SOX5: variants seen among roughly 807,000 people sequenced by gnomAD.
SOX5 encodes the protein transcription factor SOX-5.
SOX5 carries 9 observed loss-of-function variants against 92.0 expected under a neutral mutation model. The observed-to-expected ratio is 0.10, with a 90% CI of 0.06 to 0.17. SOX5 has a LOEUF of 0.17. SOX5 is among the 10% of genes least tolerant of loss of function. SOX5 has a pLI of 1.00. For synonymous variants in SOX5, 344 were observed against 336.3 expected, an observed-to-expected ratio of 1.02 and a Z score of -0.25; for missense variants, 642 against 944.5, an observed-to-expected ratio of 0.68 and a Z score of 4.20.
At chr12:24,053,888 T>G (rs1310503945) in intron 4 of SOX5, among the ~76,000 whole-genome samples, 1 of 152,238 alleles carries the variant, frequency 6.6e-6, no homozygotes, top group Non-Finnish European at 1.5e-5. Flanking sequence ...GTATGATTAC[T>G]GCTTTTGTAA....
chr12:23,809,274 T>C (rs1358943543), intron 3 of SOX5, among the ~76,000 whole-genome samples: 1 of 151,712 alleles, frequency 6.6e-6, no homozygotes, highest in Non-Finnish European at 1.5e-5. Flanking sequence ...GGAATAGGAG[T>C]AGAAAAGAGA....
chr12:24,307,753 G>A lies in SOX5; in HGVS notation c.-173-30441C>T, dbSNP rs1420937533. ...GAAAAAGTATTATTGGATTCTTCAGGTGGCCTAATGGAAGGAAGGAAGGAA... is the reference window on the plus strand; with the variant it reads ...GAAAAAGTATTATTGGATTCTTCAGATGGCCTAATGGAAGGAAGGAAGGAA... On this transcript the variant is annotated intron_variant, in intron 2 of 4. Coordinates refer to the SOX5 transcript ENST00000446891. Among the ~76,000 whole-genome samples, 7 of 7,100 alleles carry A rather than the reference G, an allele frequency of 9.9e-4. 2 individuals carry two copies. Among genetic ancestry groups the A allele is most frequent in the African/African-American group, 1.5e-3 (7 of 4,766 alleles). 4.7% of individuals were successfully genotyped at this position (7,100 alleles called of 152,430 possible).
intron 3 of SOX5, among the ~76,000 whole-genome samples, chr12:23,792,951 A>G (rs2095503024): frequency 6.6e-6 from 1 of 152,200 alleles, no homozygotes. Flanking sequence ...GGCTAATATT[A>G]TAAAGAAATC....
intron 1 of SOX5, among the ~76,000 whole-genome samples, chr12:24,381,639 C>G (rs896385139): frequency 1.1e-4 from 16 of 152,146 alleles, no homozygotes; most frequent in African/African-American, 3.6e-4. Context: ...TGCCCTTCTA[C>G]GTGGATTATT....
At chr12:24,108,949 G>A (rs1010925211) in intron 4 of SOX5, among the ~76,000 whole-genome samples, 12 of 152,084 alleles carry the variant, frequency 7.9e-5, no homozygotes, top group African/African-American at 2.9e-4. Context: ...CTTAAAGATG[G>A]TTTCTAGCTC....
At chr12:23,683,502 A>G (rs2086980512) in intron 6 of SOX5, among the ~76,000 whole-genome samples, 1 of 151,802 alleles carries the variant, frequency 6.6e-6, no homozygotes. Flanking sequence ...TATTAATCTA[A>G]AACATGATTA....
chr12:23,912,204 T>A (rs1201635493), intron 1 of SOX5, among the ~76,000 whole-genome samples: 1 of 152,088 alleles, frequency 6.6e-6, no homozygotes, highest in East Asian at 1.9e-4. Flanking sequence ...GAATATACAT[T>A]TCTCCCCAGA....
At chr12:23,954,391 G>A (rs147757361), upstream of SOX5, among the ~76,000 whole-genome samples, 480 of 151,652 alleles carry the variant, frequency 3.2e-3, 3 homozygotes, top group African/African-American at 0.011. Flanking sequence ...AATGCCTTTT[G>A]CCTGTGCTGT....
chr12:24,425,421 C>A (rs1024857294), intron 1 of SOX5, among the ~76,000 whole-genome samples: 1 of 152,200 alleles, frequency 6.6e-6, no homozygotes, highest in Admixed American at 6.5e-5. Flanking sequence ...TAAGAGCCCA[C>A]CTGACTACAA....
chr12:23,760,725 C>T (rs2094540315), intron 3 of SOX5, among the ~76,000 whole-genome samples: 1 of 152,070 alleles, frequency 6.6e-6, no homozygotes, highest in Non-Finnish European at 1.5e-5. Flanking sequence ...ACTCTTAAGA[C>T]CGACTCCCTC....
intron 4 of SOX5, among the ~76,000 whole-genome samples, chr12:23,966,568 C>A (rs1282367985): frequency 6.6e-6 from 1 of 151,888 alleles, no homozygotes; most frequent in Admixed American, 6.6e-5. Flanking sequence ...TACATACCAG[C>A]CAGGTATAGA....
chr12:24,348,710 GGCT>G (rs1341257637), intron 2 of SOX5, among the ~76,000 whole-genome samples: 1 of 152,058 alleles, frequency 6.6e-6, no homozygotes, highest in African/African-American at 2.4e-5. Flanking sequence ...GATATGCTTT[GGCT>G]GTGTCCCCCT....
At chr12:24,051,796 C>T (rs538978871) in intron 4 of SOX5, among the ~76,000 whole-genome samples, 1 of 152,308 alleles carries the variant, frequency 6.6e-6, no homozygotes, top group South Asian at 2.1e-4. Context: ...GCTTCATTCT[C>T]CCTTTTACCA....
At chr12:23,581,717 A>T (rs1428674169) in intron 9 of SOX5, among the ~76,000 whole-genome samples, 1 of 152,128 alleles carries the variant, frequency 6.6e-6, no homozygotes, top group Non-Finnish European at 1.5e-5. Flanking sequence ...GTTTTATGTG[A>T]TCAGTAATAA....
chr12:23,665,378 A>G, intron 7 of SOX5, 66 bp downstream of exon 7: 4 of 1,546,710 alleles, frequency 2.6e-6, no homozygotes, highest in Non-Finnish European at 3.6e-6. Flanking sequence ...TGGCAGGAAT[A>G]TTAAATTGCC....
chr12:24,042,974 C>T (rs1956659947), intron 4 of SOX5, among the ~76,000 whole-genome samples: 1 of 152,130 alleles, frequency 6.6e-6, no homozygotes, highest in African/African-American at 2.4e-5. Context: ...AAGTTTGTTA[C>T]ATTCTGACTA....
At chr12:24,482,871 G>A (rs946870827) in intron 1 of SOX5, among the ~76,000 whole-genome samples, 1 of 152,152 alleles carries the variant, frequency 6.6e-6, no homozygotes, top group African/African-American at 2.4e-5. Flanking sequence ...ATAGATGTAT[G>A]TTACTTATGT....
Position 23,651,708 on chromosome 12 carries a change from G to A in SOX5, c.932-10811C>T, listed in dbSNP as rs183839821. Among the ~76,000 whole-genome samples the A allele has an allele frequency of 2.7e-3, 418 of 152,092 alleles. 1 individual carries two copies. Among genetic ancestry groups the A allele is most frequent in the Non-Finnish European group, 5.4e-3 (367 of 67,924 alleles). Reference sequence around the variant, plus strand: ...AGAGGAGGGGCTGAGATTGAGTTAGGCCTTGAATATAAAATACGAAGTAGA... The same window carrying A: ...AGAGGAGGGGCTGAGATTGAGTTAGACCTTGAATATAAAATACGAAGTAGA... On this transcript the variant is annotated intron_variant, in intron 7 of 14. Coordinates refer to ENST00000451604, the MANE Select transcript of SOX5 (RefSeq NM_006940.6).
chr12:23,884,316 G>T (rs1247196573), intron 2 of SOX5, among the ~76,000 whole-genome samples: 1 of 152,120 alleles, frequency 6.6e-6, no homozygotes, highest in Non-Finnish European at 1.5e-5. Flanking sequence ...TTGTCACTGA[G>T]GGTCATGGGC....
Sources: gnomAD v4.1 joint callset for allele counts (sites outside exome capture counted in the v4.1 genomes callset) on GRCh38, gnomAD v4.1.1 for gene constraint, MANE v1.5 for transcripts, NCBI Gene and HGNC (gene_info 2026-07-23, HGNC 2026-07-21) for gene names.